The following PPP2R2B variants were observed in gnomAD, a reference collection of about 807,000 sequenced individuals.
PPP2R2B encodes protein phosphatase 2 regulatory subunit Bbeta.
Under a neutral mutation model 46.0 loss-of-function variants are expected in PPP2R2B, and 5 were observed. That is an observed-to-expected ratio of 0.11 (90% CI 0.06 to 0.23). PPP2R2B has a LOEUF of 0.23. Among genes scored for constraint, PPP2R2B ranks in the 10% least tolerant of loss-of-function variants. PPP2R2B has a pLI of 1.00. For missense variants in PPP2R2B, 367 were observed against 575.0 expected (o/e 0.64, Z 3.70); for synonymous variants, 215 against 206.7 (o/e 1.04, Z -0.34).
At chr5:147,007,310 G>C (rs1249001349) in intron 1 of PPP2R2B, among the ~76,000 whole-genome samples, 1 of 152,140 alleles carries the variant, frequency 6.6e-6, no homozygotes, top group Non-Finnish European at 1.5e-5. Flanking sequence ...AGCCAGCTGG[G>C]CTTCTGGGTC....
rs73796036 is a variant in PPP2R2B, at chr5:146,895,757, T to C, written c.79+159908A>G. Among the ~76,000 whole-genome samples, 387 of 152,296 alleles carry C rather than the reference T, an allele frequency of 2.5e-3. 1 individual carries two copies. Among genetic ancestry groups the C allele is most frequent in the African/African-American group, 8.8e-3 (367 of 41,560 alleles). On this transcript the variant is annotated intron_variant, in intron 1 of 8. Coordinates refer to the PPP2R2B transcript ENST00000336640. Reference sequence around the variant, plus strand: ...AATATGTTTATGGCTTCTCTTGAAATAAATGTCAAAAGAATTCCATCTGCC... The same window carrying C: ...AATATGTTTATGGCTTCTCTTGAAACAAATGTCAAAAGAATTCCATCTGCC...
intron 1 of PPP2R2B, among the ~76,000 whole-genome samples, chr5:146,960,206 T>C (rs1264090657): frequency 1.3e-5 from 2 of 152,182 alleles, no homozygotes; most frequent in Non-Finnish European, 2.9e-5. Context: ...ATTGAGAGTA[T>C]CCAGGATAGT....
At chr5:146,709,011 A>G (rs1581924973) in intron 2 of PPP2R2B, among the ~76,000 whole-genome samples, 1 of 152,216 alleles carries the variant, frequency 6.6e-6, no homozygotes, top group Non-Finnish European at 1.5e-5. Context: ...CTGATTACAC[A>G]TGCCACATGC....
At chr5:146,902,159 C>A (rs1460173939) in intron 1 of PPP2R2B, among the ~76,000 whole-genome samples, 1 of 152,090 alleles carries the variant, frequency 6.6e-6, no homozygotes, top group African/African-American at 2.4e-5. Flanking sequence ...ATCTTCCTTG[C>A]CCCCAAAGTC....
At chr5:146,807,919 C>T (rs2151314348) in intron 2 of PPP2R2B, among the ~76,000 whole-genome samples, 1 of 150,734 alleles carries the variant, frequency 6.6e-6, no homozygotes, top group African/African-American at 2.4e-5. Flanking sequence ...CCTGCCTCAG[C>T]CTCCCAAGTA....
chr5:146,811,822 C>T (rs1206847389), intron 2 of PPP2R2B, among the ~76,000 whole-genome samples: 1 of 151,598 alleles, frequency 6.6e-6, no homozygotes, highest in East Asian at 1.9e-4. Context: ...CCGCCTCGGC[C>T]ACCCAAAGTG....
At chr5:146,903,490 G>A (rs1561507710) in intron 1 of PPP2R2B, among the ~76,000 whole-genome samples, 1 of 150,458 alleles carries the variant, frequency 6.6e-6, no homozygotes. Flanking sequence ...CTACCTAGCA[G>A]GTTCAAGTAA....
At chr5:147,075,066 C>T (rs1757723451) in intron 2 of PPP2R2B, among the ~76,000 whole-genome samples, 1 of 152,144 alleles carries the variant, frequency 6.6e-6, no homozygotes, top group Non-Finnish European at 1.5e-5. Context: ...GGGATAAAAA[C>T]AGAAACTGCA....
chr5:146,776,429 G>A lies in PPP2R2B; in HGVS notation c.71-75287C>T, dbSNP rs561623788. Among the ~76,000 whole-genome samples, 7 of 152,022 alleles carry A rather than the reference G, an allele frequency of 4.6e-5. No individual in the cohort carries two copies. The South Asian group carries it at 1.0e-3, about 23-fold the overall frequency. ...ATACTCTCCTCAACAAATGGTGCTA[G>A]GAAAAAACCAGACATCCACATTCAA... On this transcript the variant is annotated intron_variant, in intron 2 of 9. Transcript: ENST00000394411.
At chr5:147,029,758 C>A (rs1261166205) in intron 1 of PPP2R2B, among the ~76,000 whole-genome samples, 1 of 152,024 alleles carries the variant, frequency 6.6e-6, no homozygotes, top group Non-Finnish European at 1.5e-5. Flanking sequence ...AAAGGAAAGG[C>A]CATGTGAGGT....
In PPP2R2B at chr5:146,822,714, AAG is replaced by A. The variant is rs549283755; in HGVS notation, c.70+55286_70+55287del. ...TTCCTCCCACAGATTATTATTAGAA[AAG>A]AGAGAAATCTTGATCTTGCTCACTT... is the stretch of plus-strand genomic sequence containing the variant. On this transcript the variant is annotated intron_variant, in intron 2 of 9. Coordinates refer to ENST00000394411, the MANE Select transcript of PPP2R2B (RefSeq NM_181675.4). Among the ~76,000 whole-genome samples, 337 of 152,288 alleles carry A rather than the reference AAG, an allele frequency of 2.2e-3. 1 individual carries two copies. Among genetic ancestry groups the A allele is most frequent in the African/African-American group, 7.8e-3 (324 of 41,572 alleles).
intron 2 of PPP2R2B, among the ~76,000 whole-genome samples, chr5:146,774,816 C>CA (rs548935070): frequency 0.046 from 3,021 of 66,390 alleles, 85 homozygotes; most frequent in Admixed American, 0.15. Context: ...GACTCTGTCT[C>CA]AAAAAAAAAA....
At chr5:146,963,473 C>A (rs1034521585) in intron 1 of PPP2R2B, among the ~76,000 whole-genome samples, 19 of 152,294 alleles carry the variant, frequency 1.2e-4, no homozygotes, top group African/African-American at 4.3e-4. Flanking sequence ...CCAGGTTAGT[C>A]CTCCACTCAC....
chr5:146,680,121 G>A lies in PPP2R2B; in HGVS notation c.447+11007C>T, dbSNP rs370939048. ...TTATGTTTATTGTGGCATTATTCAC[G>A]ATAGCAAAGACTTGGAACCAACCCA... On this transcript the variant is annotated intron_variant, in intron 5 of 9. Transcript: ENST00000394411. Among the ~76,000 whole-genome samples the A allele has an allele frequency of 6.0e-5, 9 of 149,702 alleles. No homozygotes were observed. In the East Asian group the frequency reaches 9.8e-4, roughly 16 times the overall value.
At chr5:147,031,182 A>G (rs1262852357) in intron 1 of PPP2R2B, among the ~76,000 whole-genome samples, 1 of 152,002 alleles carries the variant, frequency 6.6e-6, no homozygotes, top group Non-Finnish European at 1.5e-5. Flanking sequence ...GCTTGCAGTG[A>G]GCTGAGATCA....
At chr5:147,027,208 C>G (rs901576271) in intron 1 of PPP2R2B, among the ~76,000 whole-genome samples, 1 of 152,112 alleles carries the variant, frequency 6.6e-6, no homozygotes, top group African/African-American at 2.4e-5. Context: ...CCATTTATAT[C>G]AAGTTCTACA....
At chr5:146,790,738 T>C (rs1439962350) in intron 2 of PPP2R2B, among the ~76,000 whole-genome samples, 5 of 152,244 alleles carry the variant, frequency 3.3e-5, no homozygotes, top group Non-Finnish European at 7.3e-5. Flanking sequence ...CTCAGACACC[T>C]AGATTTTCTT....
At chr5:146,882,296 G>A (rs1390206277), upstream of PPP2R2B, among the ~76,000 whole-genome samples, 2 of 151,666 alleles carry the variant, frequency 1.3e-5, no homozygotes, top group Non-Finnish European at 2.9e-5. Context: ...ATTGCTCTAG[G>A]TGCCAAGGAT....
chr5:146,620,037 C>G (rs75288922), intron 7 of PPP2R2B, among the ~76,000 whole-genome samples: 2,723 of 152,268 alleles, frequency 0.018, 69 homozygotes, highest in African/African-American at 0.062. Flanking sequence ...CGGGCACCAT[C>G]TAGGGTAAGA....
Sources: gnomAD v4.1 joint callset for allele counts (sites outside exome capture counted in the v4.1 genomes callset) on GRCh38, gnomAD v4.1.1 for gene constraint, MANE v1.5 for transcripts, NCBI Gene and HGNC (gene_info 2026-07-23, HGNC 2026-07-21) for gene names.